The following TLE3 variants were observed in gnomAD, a reference collection of about 807,000 sequenced individuals.
TLE3 encodes the protein TLE family member 3, transcriptional corepressor, also known as transducin-like enhancer protein 3.
In TLE3, 14 loss-of-function variants were observed where a neutral mutation model predicts 93.0. The ratio of observed to expected loss-of-function variants is 0.15; its 90% CI spans 0.10 to 0.24. The LOEUF (loss-of-function observed/expected upper bound fraction) is 0.24, where lower values mean the gene tolerates loss of function less well. Ranked by LOEUF, TLE3 falls within the 10% of genes least tolerant of loss-of-function variation. The probability of loss-of-function intolerance (pLI) is 1.00; values close to 1 mark genes in which losing one functional copy is unlikely to be tolerated. For missense variants in TLE3, 693 were observed against 1,046.6 expected (o/e 0.66, Z 4.66); for synonymous variants, 451 against 425.0 (o/e 1.06, Z -0.75).
chr15:70,092,543 G>A (rs1302588121), intron 4 of TLE3, among the ~76,000 whole-genome samples: 1 of 152,170 alleles, frequency 6.6e-6, no homozygotes, highest in Admixed American at 6.5e-5. Flanking sequence ...TATAAACAGG[G>A]GGCAAAGAAT....
chr15:70,080,626 G>C (rs1232552497), intron 4 of TLE3, among the ~76,000 whole-genome samples: 1 of 152,190 alleles, frequency 6.6e-6, no homozygotes, highest in African/African-American at 2.4e-5. Flanking sequence ...ACAGCAATCT[G>C]TTCCATGCGC....
At chr15:70,066,578 T>G (rs769519350) in intron 6 of TLE3, 6 of 204,056 alleles carry the variant, frequency 2.9e-5, no homozygotes, top group Admixed American at 5.5e-5. Context: ...AGGGATCCAT[T>G]TTTAAGCTCA....
chr15:70,060,795 A>T lies in TLE3; in HGVS notation c.595-146T>A. On this transcript the variant is annotated intron_variant, in intron 8 of 19. Transcript: ENST00000451782. ...TCTCTGCCCTGCAGATCGTGGCTCC[A>T]TCAGAGCCTTGCCAGGGAAGCCTTC... 4 of 1,404,456 alleles carry T rather than the reference A, an allele frequency of 2.8e-6. No individual in the cohort carries two copies. The South Asian group carries it at 3.6e-5, about 13-fold the overall frequency. The allele number at this position is 1,404,456 out of a possible 1,614,324, so 87.0% of individuals were successfully genotyped here.
At position 70,055,225 on chromosome 15, in the gene TLE3, G is replaced by A. The variant is rs748831377; in HGVS notation, c.1402C>T (p.Pro468Ser). Reference protein sequence around the residue: ...VPFPHDALAGPGIPRHARQIN... With the variant: ...VPFPHDALAGSGIPRHARQIN... ...TGCCGGGCGTGCCTCGGGATGCCGG[G>A]GCCTGCCAGGGCGTCGTGGGGGAAG... The change falls in exon 15 of 20, where the codon CCC becomes TCC. Residue 468 changes from proline (P) to serine (S), a missense_variant. Physicochemically the swap from Pro to Ser is moderately conservative, Grantham distance 74. Around this residue, in one of 4 missense-constraint regions of TLE3, gnomAD observed 405 missense variants for 468.9 expected, o/e 0.86. Transcript: ENST00000451782. 1.2e-6 allele frequency: 2 copies of A among 1,612,936 alleles called. No homozygotes were observed. Among genetic ancestry groups the A allele is most frequent in the African/African-American group, 1.3e-5 (1 of 74,886 alleles).
chr15:70,090,898 G>C lies in TLE3; in HGVS notation c.234+3634C>G, dbSNP rs550335064. On this transcript the variant is annotated intron_variant, in intron 4 of 19. Coordinates refer to ENST00000451782, the MANE Select transcript of TLE3 (RefSeq NM_001105192.3). ...GGCACTTTGGACTTTGGTGGGGCCA[G>C]TTTTGTAGCCTTAGCCTGTTTGGAT... Among the ~76,000 whole-genome samples the C allele has an allele frequency of 2.0e-5, 3 of 152,346 alleles. No homozygotes were observed. In the East Asian group the frequency reaches 5.8e-4, roughly 29 times the overall value.
chr15:70,096,602 A>C, intron 1 of TLE3, 173 bp downstream of exon 1: 18 of 1,521,394 alleles, frequency 1.2e-5, no homozygotes, highest in Non-Finnish European at 1.5e-5. Flanking sequence ...CTCGCGCGGA[A>C]TTAACCTCCT....
chr15:70,086,908 T>G (rs661046), intron 4 of TLE3, among the ~76,000 whole-genome samples: 38,007 of 152,060 alleles, frequency 0.25, 5,183 homozygotes, highest in African/African-American at 0.32. Flanking sequence ...TCCATAGTGT[T>G]AGATGAAAAG....
At chr15:70,066,333 TGG>T (rs755665432) in intron 6 of TLE3, 115 bp from the exon 7 acceptor site, 22 of 984,840 alleles carry the variant, frequency 2.2e-5, no homozygotes, top group Non-Finnish European at 2.8e-5. Context: ...CTTCACTGGG[TGG>T]GTGGCAGGGG....
chr15:70,085,796 T>C (rs1286930163), intron 4 of TLE3, among the ~76,000 whole-genome samples: 2 of 152,178 alleles, frequency 1.3e-5, no homozygotes, highest in Non-Finnish European at 2.9e-5. Flanking sequence ...ATCCCCCATT[T>C]CTCTGGGATA....
At chr15:70,079,010 C>A (rs2057602772) in intron 4 of TLE3, among the ~76,000 whole-genome samples, 1 of 152,152 alleles carries the variant, frequency 6.6e-6, no homozygotes, top group South Asian at 2.1e-4. Context: ...TTCCCACAGA[C>A]AGGATCTTCC....
At chr15:70,061,125 G>A (rs968819413) in intron 8 of TLE3, among the ~76,000 whole-genome samples, 2 of 152,170 alleles carry the variant, frequency 1.3e-5, no homozygotes, top group African/African-American at 2.4e-5. Context: ...ACAGGAATGG[G>A]GAGATTGATA....
chr15:70,082,068 GAA>G (rs1055098610), intron 4 of TLE3, among the ~76,000 whole-genome samples: 10 of 152,242 alleles, frequency 6.6e-5, no homozygotes, highest in Non-Finnish European at 1.3e-4. Context: ...AGGCTGTGCA[GAA>G]AGAGGTGGCC....
In TLE3 at chr15:70,050,124, C is replaced by T; in HGVS notation, c.2283G>A (p.Lys761=). The part of the protein sequence containing the change: ...KYIVTGSGDK[K]ATVYEVIY Reference sequence around the variant, plus strand: ...AGTAGATGACCTCATAAACTGTGGCCTTCTTGTCACCAGAGCCTGTTACAA... The same window carrying T: ...AGTAGATGACCTCATAAACTGTGGCTTTCTTGTCACCAGAGCCTGTTACAA... The change falls in exon 20 of 20, where the codon AAG becomes AAA. Residue 761 remains lysine (K), a synonymous_variant. Transcript: ENST00000451782. 1 of 1,614,090 alleles carries T rather than the reference C, an allele frequency of 6.2e-7. No homozygotes were observed. The highest frequency in any genetic ancestry group is 8.5e-7 in the Non-Finnish European group (1 of 1,179,944).
At chr15:70,086,978 A>G (rs1210303868) in intron 4 of TLE3, among the ~76,000 whole-genome samples, 1 of 152,222 alleles carries the variant, frequency 6.6e-6, no homozygotes, top group Non-Finnish European at 1.5e-5. Context: ...ACACCTTTAC[A>G]ACTCTTTCTA....
At chr15:70,093,625 G>C (rs1294472949) in intron 4 of TLE3, among the ~76,000 whole-genome samples, 1 of 152,178 alleles carries the variant, frequency 6.6e-6, no homozygotes, top group East Asian at 1.9e-4. Context: ...CAAATTATAG[G>C]CAGCCTTTCC....
rs2058110357 is a variant in TLE3, at chr15:70,087,987, A to C, written c.234+6545T>G. 2.0e-5 allele frequency among the ~76,000 whole-genome samples: 3 copies of C among 152,246 alleles called. No individual in the cohort carries two copies. The South Asian group carries it at 6.2e-4, about 32-fold the overall frequency. On this transcript the variant is annotated intron_variant, in intron 4 of 19. Transcript: ENST00000451782. Reference sequence around the variant, plus strand: ...CCCCACCCACCCTGTTGATTTCCAGACGGGCCTCTTGGGCCATCAACTCTG... The same window carrying C: ...CCCCACCCACCCTGTTGATTTCCAGCCGGGCCTCTTGGGCCATCAACTCTG...
intron 19 of TLE3, 67 bp downstream of exon 19, chr15:70,051,324 C>T (rs2055519141): frequency 1.4e-6 from 2 of 1,472,564 alleles, no homozygotes; most frequent in Non-Finnish European, 9.2e-7. Context: ...TATCCTCACT[C>T]CCATCACCAT....
intron 15 of TLE3, 122 bp downstream of exon 15, chr15:70,054,927 C>T (rs1205241275): frequency 1.4e-6 from 2 of 1,396,246 alleles, no homozygotes; most frequent in African/African-American, 2.9e-5. Flanking sequence ...GGTTAGTCAG[C>T]TTGCCTAAAG....
chr15:70,052,987 T>C (rs559418753), intron 17 of TLE3: 8 of 506,878 alleles, frequency 1.6e-5, no homozygotes, highest in African/African-American at 3.8e-5. Context: ...AAGTGCTCAA[T>C]AGCAGCAGAG....
Sources: allele counts gnomAD v4.1 joint callset (sites outside exome capture counted in the v4.1 genomes callset), GRCh38; gene constraint gnomAD v4.1.1; regional missense constraint gnomAD v4.1.1; transcripts MANE v1.5; gene names NCBI Gene and HGNC (gene_info 2026-07-23, HGNC 2026-07-21).